ZMYM1: variants seen among roughly 807,000 people sequenced by gnomAD.
ZMYM1 encodes zinc finger MYM-type protein 1.
ZMYM1 carries 39 observed loss-of-function variants against 60.0 expected under a neutral mutation model. The observed-to-expected ratio is 0.65, with a 90% CI of 0.50 to 0.85. ZMYM1 has a LOEUF of 0.85. Among genes scored for constraint, ZMYM1 ranks in the 40% least tolerant of loss-of-function variants. ZMYM1 has a pLI of 0.00. For synonymous variants in ZMYM1, 413 were observed against 454.0 expected (o/e 0.91, Z 1.15); for missense variants, 1,171 against 1,309.5 (o/e 0.89, Z 1.63).
At chr1:35,082,336 T>A (rs1192689235) in intron 1 of ZMYM1, among the ~76,000 whole-genome samples, 1 of 141,062 alleles carries the variant, frequency 7.1e-6, no homozygotes, top group Non-Finnish European at 1.5e-5. Flanking sequence ...CCTTTCCAAC[T>A]TTTTTTTTTT....
intron 4 of ZMYM1, among the ~76,000 whole-genome samples, chr1:35,099,679 G>GT (rs992698961): frequency 9.9e-5 from 15 of 151,954 alleles, no homozygotes; most frequent in African/African-American, 1.5e-4. Context: ...TTCTTCTGGG[G>GT]TTTTTTTATC....
intron 3 of ZMYM1, among the ~76,000 whole-genome samples, chr1:35,096,733 G>A (rs914899113): frequency 6.6e-5 from 10 of 151,900 alleles, no homozygotes; most frequent in Non-Finnish European, 7.4e-5. Context: ...TCTCGCTCTC[G>A]CTCTGTTGCC....
At position 35,113,117 on chromosome 1, in the gene ZMYM1, A is replaced by G. The variant is rs200986550; in HGVS notation, c.1287A>G (p.Lys429=). The change falls in exon 10 of 10, where the codon AAA becomes AAG. Residue 429 remains lysine (K), a synonymous_variant. Transcript: ENST00000359858. ...CAGAAGTACAAAAAGACAATATGAAATCTATGAAAATAAGTGATGAACTAT... is the reference window on the plus strand; with the variant it reads ...CAGAAGTACAAAAAGACAATATGAAGTCTATGAAAATAAGTGATGAACTAT... ...SSTEVQKDNM[K]SMKISDELCH... 416 of 1,613,954 alleles carry G rather than the reference A, an allele frequency of 2.6e-4. No homozygotes were observed. The highest frequency in any genetic ancestry group is 5.8e-5 in the Non-Finnish European group (69 of 1,179,978).
At chr1:35,066,454 T>C (rs1367317718) in intron 1 of ZMYM1, among the ~76,000 whole-genome samples, 1 of 152,168 alleles carries the variant, frequency 6.6e-6, no homozygotes, top group Admixed American at 6.6e-5. Flanking sequence ...TGCTTGGGCG[T>C]CCCAAAGTGC....
chr1:35,078,537 A>ATTTTTTTTTTTTTTTTTTTTTTTTTTTT (rs751468260), upstream of ZMYM1, among the ~76,000 whole-genome samples: 2 of 82,220 alleles, frequency 2.4e-5, no homozygotes, highest in African/African-American at 5.1e-5. Flanking sequence ...GGTTATTTTA[A>ATTTTTTTTTTTTTTTTTTTTTTTTTTTT]TTTTTTTTTT....
chr1:35,078,999 G>A (rs1642230038), upstream of ZMYM1: 1 of 150,974 alleles, frequency 6.6e-6, no homozygotes, highest in South Asian at 2.1e-4. Flanking sequence ...TCCAGCTTCT[G>A]CAGAAGCCTG....
Position 35,115,129 on chromosome 1 carries a change from C to T in ZMYM1, c.3299C>T (p.Thr1100Ile). 3 of 1,614,058 alleles carry T rather than the reference C, an allele frequency of 1.9e-6. No individual in the cohort carries two copies. The highest frequency in any genetic ancestry group is 2.5e-6 in the Non-Finnish European group (3 of 1,179,984). The change falls in exon 10 of 10, where the codon ACC (threonine) becomes ATC (isoleucine). Residue 1100 changes from threonine (T) to isoleucine (I), a missense_variant. Coordinates refer to ENST00000359858, the MANE Select transcript of ZMYM1 (RefSeq NM_024772.5). ...CGTCTTAAGACATATTTATGTAATA[C>T]CATGGGACAAGAGAAGCTTACTGGC... ...LPRLKTYLCN[T>I]MGQEKLTGPA...
At chr1:35,111,644 T>C in intron 7 of ZMYM1, 128 bp from the exon 8 acceptor site, 2 of 771,736 alleles carry the variant, frequency 2.6e-6, no homozygotes, top group Non-Finnish European at 1.8e-6. Context: ...TAATAAAAAT[T>C]ACTTCAGTAC....
chr1:35,114,029 C>A lies in ZMYM1; in HGVS notation c.2199C>A (p.Phe733Leu). 1 of 1,605,770 alleles carries A rather than the reference C, an allele frequency of 6.2e-7. No individual in the cohort carries two copies. The highest frequency in any genetic ancestry group is 8.5e-7 in the Non-Finnish European group (1 of 1,178,004). ...KIKFNKIAAE[F>L]KKEEPRALYI... ...AATTTAATAAAATAGCAGCAGAATT[C>A]AAGAAAGAAGAACCAAGAGCTTTAT... Residue 733 changes from phenylalanine to leucine, a missense_variant, in exon 10 of 10, where the codon TTC becomes TTA. Physicochemically the swap from Phe to Leu is conservative, Grantham distance 22 (BLOSUM62 0). Transcript: ENST00000359858.
intron 1 of ZMYM1, among the ~76,000 whole-genome samples, chr1:35,063,969 T>G (rs950755061): frequency 1.3e-5 from 2 of 152,134 alleles, no homozygotes. Flanking sequence ...GGTGGAGAGA[T>G]AGATGCTAGA....
At chr1:35,086,724 A>G (rs1324132450) in intron 1 of ZMYM1, among the ~76,000 whole-genome samples, 1 of 151,316 alleles carries the variant, frequency 6.6e-6, no homozygotes, top group East Asian at 1.9e-4. Context: ...ACTGTCACCC[A>G]GGCTTGAGCG....
At position 35,114,639 on chromosome 1, in the gene ZMYM1, A is replaced by G; in HGVS notation, c.2809A>G (p.Lys937Glu). ...TAAAGTTGAAAAACCTTCTCTTCAG[A>G]AAAGAAGAAAAATTCAGAAATCAGT... ...GFKVEKPSLQKRRKIQKSVDL... is the reference protein window; with the variant it reads ...GFKVEKPSLQERRKIQKSVDL... The change falls in exon 10 of 10, where the codon AAA becomes GAA. Residue 937 changes from lysine (K) to glutamate (E), a missense_variant. By Grantham distance (56) the Lys-to-Glu change is moderately conservative. Coordinates refer to ENST00000359858, the MANE Select transcript of ZMYM1 (RefSeq NM_024772.5). 1 of 1,599,294 alleles carries G rather than the reference A, an allele frequency of 6.3e-7. No individual in the cohort carries two copies. The highest frequency in any genetic ancestry group is 8.5e-7 in the Non-Finnish European group (1 of 1,176,352).
upstream of ZMYM1, among the ~76,000 whole-genome samples, chr1:35,077,759 T>C (rs1411289413): frequency 6.6e-6 from 1 of 152,204 alleles, no homozygotes; most frequent in Non-Finnish European, 1.5e-5. Context: ...ACCCACCAGT[T>C]GTCCTTAAAA....
chr1:35,061,300 A>C (rs1307418132), intron 1 of ZMYM1, among the ~76,000 whole-genome samples: 1 of 152,232 alleles, frequency 6.6e-6, no homozygotes, highest in Non-Finnish European at 1.5e-5. Flanking sequence ...GTTCATAAAG[A>C]AGGACACATA....
chr1:35,114,587 ATGTC>A lies in ZMYM1; in HGVS notation c.2758_2761del (p.Cys920LysfsTer3). The stretch of plus-strand genomic sequence containing the variant: ...CAATCTGGGATGGAACAGAGGAAAT[ATGTC>A]AAAAAATAACCTGTAAAGGTTTTAA... On this transcript the variant is annotated frameshift_variant, in exon 10 of 10. Coordinates refer to ENST00000359858, the MANE Select transcript of ZMYM1 (RefSeq NM_024772.5). LOFTEE classifies it low-confidence loss of function (END_TRUNC). 1 of 1,609,904 alleles carries A rather than the reference ATGTC, an allele frequency of 6.2e-7. No individual in the cohort carries two copies. The highest frequency in any genetic ancestry group is 1.3e-5 in the African/African-American group (1 of 74,934).
chr1:35,104,152 T>C (rs1643799801), intron 4 of ZMYM1, 143 bp from the exon 5 acceptor site: 1 of 682,050 alleles, frequency 1.5e-6, no homozygotes, highest in African/African-American at 1.8e-5. Flanking sequence ...GGAGTATAAA[T>C]GTGACAGAAC....
chr1:35,117,278 T>C (rs532204834), downstream of ZMYM1, among the ~76,000 whole-genome samples: 5 of 152,242 alleles, frequency 3.3e-5, no homozygotes, highest in South Asian at 6.2e-4. Context: ...CCTAGAGTTG[T>C]AGAAAATATT....
intron 1 of ZMYM1, among the ~76,000 whole-genome samples, chr1:35,061,098 C>T (rs1641866706): frequency 6.6e-6 from 1 of 152,198 alleles, no homozygotes; most frequent in Admixed American, 6.5e-5. Flanking sequence ...CCCCCAAAAG[C>T]CAGGACACAC....
At chr1:35,071,314 C>CATTT (rs113346365) in intron 1 of ZMYM1, among the ~76,000 whole-genome samples, 253 of 151,322 alleles carry the variant, frequency 1.7e-3, no homozygotes, top group East Asian at 5.8e-3. Flanking sequence ...AGTTTGCTGC[C>CATTT]ATTTATTTAT....
Sources: allele counts gnomAD v4.1 joint callset (sites outside exome capture counted in the v4.1 genomes callset), GRCh38; gene constraint gnomAD v4.1.1; transcripts MANE v1.5; gene names NCBI Gene and HGNC (gene_info 2026-07-23, HGNC 2026-07-21).